Variants in FAAH2 observed in about 807,000 individuals in gnomAD.
The protein encoded by FAAH2 is fatty-acid amide hydrolase 2.
A neutral mutation model predicts 36.9 loss-of-function variants in FAAH2; 60 were observed. The ratio of observed to expected loss-of-function variants is 1.63; its 90% confidence interval spans 1.32 to 2.02. The LOEUF is 2.02. Ranked by LOEUF, FAAH2 falls within the 30% of genes most tolerant of loss-of-function variation. The pLI, the probability that FAAH2 is intolerant of heterozygous loss-of-function variation, is 0.00. For missense variants in FAAH2, 689 were observed against 397.5 expected, an observed-to-expected ratio of 1.73 and a Z score of -6.23; for synonymous variants, 214 against 143.8, an observed-to-expected ratio of 1.49 and a Z score of -3.49.
chrX:57,404,567 T>G (rs1464135015), intron 7 of FAAH2, among the ~76,000 whole-genome samples: 1 of 111,600 alleles, frequency 9.0e-6, no homozygotes, highest in African/African-American at 3.3e-5. Flanking sequence ...GTTGTATGCC[T>G]AAATTGGGAG....
At chrX:57,313,856 T>A (rs1296365602) in intron 3 of FAAH2, among the ~76,000 whole-genome samples, 4 of 111,156 alleles carry the variant, frequency 3.6e-5, no homozygotes, top group Admixed American at 9.6e-5. Context: ...CAAGTCTATA[T>A]AACAAACAGC....
chrX:57,410,140 A>T (rs2147334634), intron 7 of FAAH2, among the ~76,000 whole-genome samples: 1 of 110,338 alleles, frequency 9.1e-6, no homozygotes, highest in Non-Finnish European at 1.9e-5. Flanking sequence ...TTTTTTCAGA[A>T]GGATATTTGT....
the FAAH2 span, among the ~76,000 whole-genome samples, chrX:57,157,405 G>A: frequency 2.7e-5 from 3 of 111,917 alleles, no homozygotes; most frequent in East Asian, 2.8e-4. Flanking sequence ...TCTCCTACTG[G>A]AGTATCAGAT....
At chrX:57,203,088 A>C in the FAAH2 span, among the ~76,000 whole-genome samples, 3 of 112,141 alleles carry the variant, frequency 2.7e-5, no homozygotes, top group African/African-American at 9.7e-5. Flanking sequence ...CACACACAGA[A>C]ATATAGGGTG....
the FAAH2 span, among the ~76,000 whole-genome samples, chrX:57,144,986 G>A: frequency 9.0e-6 from 1 of 110,808 alleles, no homozygotes; most frequent in Non-Finnish European, 1.9e-5. Flanking sequence ...GAACATTTGG[G>A]CTGGTTCCAC....
At chrX:57,406,538 C>T (rs554254733) in intron 7 of FAAH2, among the ~76,000 whole-genome samples, 2 of 112,301 alleles carry the variant, frequency 1.8e-5, no homozygotes, top group South Asian at 7.4e-4. Context: ...GCAACTTGTC[C>T]TGGACAGGAA....
intron 5 of FAAH2, among the ~76,000 whole-genome samples, chrX:57,378,299 T>G (rs1187945006): frequency 9.0e-6 from 1 of 111,619 alleles, no homozygotes; most frequent in Non-Finnish European, 1.9e-5. Flanking sequence ...GCCAGTAGAT[T>G]TTTAAATCTG....
At chrX:57,224,415 T>G in the FAAH2 span, among the ~76,000 whole-genome samples, 1 of 111,538 alleles carries the variant, frequency 9.0e-6, no homozygotes, top group Non-Finnish European at 1.9e-5. Context: ...GTGGTCCCTT[T>G]TCCCTTTTCT....
chrX:57,226,913 ATTTC>A, the FAAH2 span, among the ~76,000 whole-genome samples: 1 of 111,603 alleles, frequency 9.0e-6, no homozygotes, highest in Non-Finnish European at 1.9e-5. Context: ...CAAGCTCTGA[ATTTC>A]TTTCTTCTAC....
chrX:57,126,208 G>A, the FAAH2 span, among the ~76,000 whole-genome samples: 1 of 112,233 alleles, frequency 8.9e-6, no homozygotes, highest in Non-Finnish European at 1.9e-5. Context: ...ATCAGTAGTT[G>A]GCCAAAGTAA....
intron 7 of FAAH2, among the ~76,000 whole-genome samples, chrX:57,388,459 G>A (rs2055081279): frequency 9.0e-6 from 1 of 111,202 alleles, no homozygotes; most frequent in African/African-American, 3.3e-5. Context: ...GGCCTTGTGT[G>A]CTGTTGGATT....
At chrX:57,129,141 C>G in the FAAH2 span, among the ~76,000 whole-genome samples, 1 of 111,795 alleles carries the variant, frequency 8.9e-6, no homozygotes, top group Non-Finnish European at 1.9e-5. Flanking sequence ...ATATTTGAAT[C>G]AGAAAAGAGT....
At chrX:57,310,265 C>T (rs898983890) in intron 2 of FAAH2, among the ~76,000 whole-genome samples, 8 of 111,560 alleles carry the variant, frequency 7.2e-5, no homozygotes, top group African/African-American at 2.6e-4. Context: ...CGCAACACCA[C>T]GTTTATTGGC....
At chrX:57,463,838 A>T (rs1056904199) in intron 10 of FAAH2, among the ~76,000 whole-genome samples, 1 of 112,010 alleles carries the variant, frequency 8.9e-6, no homozygotes, top group Non-Finnish European at 1.9e-5. Context: ...TGTGGAAGGC[A>T]GTATGGCAAT....
At chrX:57,418,708 AGT>A (rs1491332964) in intron 7 of FAAH2, among the ~76,000 whole-genome samples, 1 of 14,189 alleles carries the variant, frequency 7.0e-5, no homozygotes, top group East Asian at 0.026. Context: ...ATTCTTTCAA[AGT>A]ATATATATAT....
chrX:57,230,798 G>T, the FAAH2 span, among the ~76,000 whole-genome samples: 1 of 111,195 alleles, frequency 9.0e-6, no homozygotes, highest in African/African-American at 3.3e-5. Flanking sequence ...GCTTGACTTT[G>T]ATTTCCTTGC....
the FAAH2 span, among the ~76,000 whole-genome samples, chrX:57,249,036 G>C: frequency 9.0e-6 from 1 of 110,739 alleles, no homozygotes; most frequent in East Asian, 2.8e-4. Context: ...CTAAGACATA[G>C]AGTGCTTTTG....
At chrX:57,255,725 G>A in the FAAH2 span, among the ~76,000 whole-genome samples, 1 of 111,581 alleles carries the variant, frequency 9.0e-6, no homozygotes, top group African/African-American at 3.3e-5. Context: ...AAAATTCAAC[G>A]CCTTTCATGC....
At chrX:57,338,807 C>T (rs755398061) in intron 4 of FAAH2, among the ~76,000 whole-genome samples, 1 of 111,342 alleles carries the variant, frequency 9.0e-6, no homozygotes, top group Non-Finnish European at 1.9e-5. Flanking sequence ...TAGGAAGAAT[C>T]ATTATCGTGA....
Sources: gnomAD v4.1 joint callset for allele counts (sites outside exome capture counted in the v4.1 genomes callset) on GRCh38, gnomAD v4.1.1 for gene constraint, MANE v1.5 for transcripts, NCBI Gene and HGNC (gene_info 2026-07-23, HGNC 2026-07-21) for gene names.